The following DPYD variants were observed in gnomAD, a reference collection of about 807,000 sequenced individuals.
The protein encoded by DPYD is dihydropyrimidine dehydrogenase, also known as dihydropyrimidine dehydrogenase [NADP(+)].
Under a neutral mutation model 116.2 loss-of-function variants are expected in DPYD, and 109 were observed. That is an observed-to-expected ratio of 0.94 (90% CI 0.80 to 1.10). The LOEUF is 1.10. Ranked by LOEUF, DPYD falls within the 50% of genes least tolerant of loss-of-function variation. The pLI is 0.00. For missense variants in DPYD, 1,302 were observed against 1,254.5 expected, an observed-to-expected ratio of 1.04 and a Z score of -0.57; for synonymous variants, 440 against 432.0, an observed-to-expected ratio of 1.02 and a Z score of -0.23.
In DPYD at chr1:97,845,463, A is replaced by C. The variant is rs923667746; in HGVS notation, c.151-17267T>G. On this transcript the variant is annotated intron_variant, in intron 2 of 22. Transcript: ENST00000370192. ...CCCACTCCAGGTCTCCTTTCTGCTG[A>C]GAGCTGGACACTCATTAGGACGACC... is the stretch of plus-strand genomic sequence containing the variant. 4.6e-5 allele frequency among the ~76,000 whole-genome samples: 7 copies of C among 152,224 alleles called. No homozygotes were observed. In the East Asian group the frequency reaches 1.4e-3, roughly 29 times the overall value.
At chr1:97,868,737 A>G (rs1269301633) in intron 2 of DPYD, among the ~76,000 whole-genome samples, 1 of 151,794 alleles carries the variant, frequency 6.6e-6, no homozygotes, top group Non-Finnish European at 1.5e-5. Context: ...TGTGTCTCTG[A>G]GTCAGAGCTG....
intron 10 of DPYD, among the ~76,000 whole-genome samples, chr1:97,586,684 T>C (rs1247843965): frequency 6.6e-6 from 1 of 151,722 alleles, no homozygotes; most frequent in Admixed American, 6.6e-5. Context: ...CAAGCTTTTG[T>C]TGGCTCCTGG....
chr1:97,249,203 A>G (rs1662918499), intron 18 of DPYD, among the ~76,000 whole-genome samples: 1 of 151,686 alleles, frequency 6.6e-6, no homozygotes, highest in Non-Finnish European at 1.5e-5. Flanking sequence ...CTTTAAATTT[A>G]TAGTAATAAA....
intron 16 of DPYD, among the ~76,000 whole-genome samples, chr1:97,320,338 C>G (rs996878583): frequency 9.5e-6 from 1 of 105,438 alleles, no homozygotes; most frequent in African/African-American, 3.4e-5. Context: ...AAAACCCCAT[C>G]GTCTCAGCCC....
intron 3 of DPYD, among the ~76,000 whole-genome samples, chr1:97,776,607 G>T (rs920825443): frequency 6.6e-6 from 1 of 152,116 alleles, no homozygotes; most frequent in Non-Finnish European, 1.5e-5. Flanking sequence ...GCATGTAGAA[G>T]AAGAAGTAGT....
intron 14 of DPYD, among the ~76,000 whole-genome samples, chr1:97,399,218 G>T (rs1241378361): frequency 3.3e-5 from 5 of 152,098 alleles, no homozygotes; most frequent in Admixed American, 2.6e-4. Flanking sequence ...TTTCCCCATT[G>T]CTTGTTTTTG....
chr1:97,785,853 C>A (rs1389620245), intron 3 of DPYD, among the ~76,000 whole-genome samples: 3 of 151,404 alleles, frequency 2.0e-5, no homozygotes, highest in African/African-American at 7.3e-5. Context: ...CCACCACGCC[C>A]AGCTAATTTT....
At chr1:97,420,433 T>A (rs1353381655) in intron 14 of DPYD, among the ~76,000 whole-genome samples, 2 of 152,126 alleles carry the variant, frequency 1.3e-5, no homozygotes, top group Non-Finnish European at 1.5e-5. Flanking sequence ...TCTTATTTTT[T>A]CCTTGGCTAA....
intron 14 of DPYD, among the ~76,000 whole-genome samples, chr1:97,447,392 G>C (rs1394637049): frequency 1.3e-5 from 2 of 152,086 alleles, no homozygotes; most frequent in African/African-American, 4.8e-5. Context: ...AAACAGCGGG[G>C]GACTGTCTAC....
intron 3 of DPYD, among the ~76,000 whole-genome samples, chr1:97,766,095 G>T (rs1267722683): frequency 6.6e-6 from 1 of 152,018 alleles, no homozygotes; most frequent in Non-Finnish European, 1.5e-5. Context: ...CAAAAAATTA[G>T]CCATGCGTGG....
chr1:97,739,668 T>C (rs534750711), intron 4 of DPYD, among the ~76,000 whole-genome samples: 2 of 152,236 alleles, frequency 1.3e-5, no homozygotes, highest in African/African-American at 4.8e-5. Flanking sequence ...TCTCTGTATC[T>C]TTATGGGAGA....
At chr1:97,089,767 C>G (rs1649766590) in intron 21 of DPYD, among the ~76,000 whole-genome samples, 1 of 151,488 alleles carries the variant, frequency 6.6e-6, no homozygotes, top group Non-Finnish European at 1.5e-5. Flanking sequence ...GCCAGGCTGT[C>G]CCCAGGGCCC....
chr1:97,866,081 T>C (rs534118156), intron 2 of DPYD, among the ~76,000 whole-genome samples: 1 of 152,108 alleles, frequency 6.6e-6, no homozygotes, highest in South Asian at 2.1e-4. Flanking sequence ...TGCAGTTACA[T>C]GGCCACAGAC....
intron 19 of DPYD, among the ~76,000 whole-genome samples, chr1:97,196,991 ATGAG>A (rs796929916): frequency 2.6e-5 from 4 of 152,336 alleles, no homozygotes; most frequent in African/African-American, 9.6e-5. Context: ...CTTGTACAGT[ATGAG>A]TAAGAATAGT....
chr1:97,137,326 T>A (rs1006129856), intron 20 of DPYD, among the ~76,000 whole-genome samples: 2 of 152,226 alleles, frequency 1.3e-5, no homozygotes, highest in African/African-American at 4.8e-5. Flanking sequence ...TTGATTTGGC[T>A]TGGTGTTTAA....
chr1:97,193,316 C>G, intron 19 of DPYD, 68 bp from the exon 20 acceptor site: 2 of 1,481,436 alleles, frequency 1.4e-6, no homozygotes, highest in Non-Finnish European at 1.9e-6. Context: ...ATTCACTTTT[C>G]TTTGAGTCAA....
intron 13 of DPYD, among the ~76,000 whole-genome samples, chr1:97,455,390 T>G (rs940413152): frequency 9.9e-5 from 15 of 151,962 alleles, no homozygotes; most frequent in African/African-American, 3.6e-4. Context: ...TGTAAATATT[T>G]TGTCAAAAAT....
At chr1:97,507,071 T>G (rs534878612) in intron 13 of DPYD, among the ~76,000 whole-genome samples, 8 of 152,144 alleles carry the variant, frequency 5.3e-5, no homozygotes, top group Admixed American at 3.3e-4. Flanking sequence ...ATAGAAGAGC[T>G]TGCTAAATAG....
intron 2 of DPYD, among the ~76,000 whole-genome samples, chr1:97,872,483 A>C (rs575770042): frequency 6.6e-6 from 1 of 152,108 alleles, no homozygotes; most frequent in Non-Finnish European, 1.5e-5. Flanking sequence ...TAAATAATTA[A>C]AGCAAAGCAT....
Sources: allele counts gnomAD v4.1 joint callset (sites outside exome capture counted in the v4.1 genomes callset), GRCh38; gene constraint gnomAD v4.1.1; transcripts MANE v1.5; gene names NCBI Gene and HGNC (gene_info 2026-07-23, HGNC 2026-07-21).